Variants in DRC8 observed in about 807,000 individuals in gnomAD.
DRC8 encodes the protein dynein regulatory complex subunit 8.
At chr1:245,074,106 T>C in the DRC8 span, among the ~76,000 whole-genome samples, 741 of 152,330 alleles carry the variant, frequency 4.9e-3, 7 homozygotes, top group African/African-American at 0.017. Context: ...TTTATATATT[T>C]AACTTGACCA....
chr1:244,989,167 G>A, the DRC8 span, among the ~76,000 whole-genome samples: 2 of 152,116 alleles, frequency 1.3e-5, no homozygotes, highest in African/African-American at 2.4e-5. Flanking sequence ...GGGCACAAGC[G>A]ATTCTCCCAC....
the DRC8 span, among the ~76,000 whole-genome samples, chr1:245,016,585 T>C: frequency 1.3e-5 from 2 of 152,312 alleles, no homozygotes; most frequent in African/African-American, 4.8e-5. Flanking sequence ...CGAGCTTATA[T>C]TTCTTTCCCA....
chr1:245,016,660 A>G, the DRC8 span, among the ~76,000 whole-genome samples: 1 of 152,196 alleles, frequency 6.6e-6, no homozygotes, highest in African/African-American at 2.4e-5. Flanking sequence ...ACCTTAGCAC[A>G]TTGTAAGTAC....
the DRC8 span, among the ~76,000 whole-genome samples, chr1:245,071,519 C>G: frequency 3.3e-5 from 5 of 152,244 alleles, no homozygotes; most frequent in Admixed American, 1.3e-4. Context: ...TTATGGAAGG[C>G]AGAACTTAGA....
At chr1:245,018,855 C>T in the DRC8 span, among the ~76,000 whole-genome samples, 1 of 152,134 alleles carries the variant, frequency 6.6e-6, no homozygotes. Flanking sequence ...CTCCGGTTTC[C>T]AGAGACAAGG....
the DRC8 span, among the ~76,000 whole-genome samples, chr1:245,074,780 G>A: frequency 6.6e-6 from 1 of 152,124 alleles, no homozygotes; most frequent in African/African-American, 2.4e-5. Context: ...TTTGGTAGAT[G>A]CCAATTAATT....
At chr1:245,063,263 C>G in the DRC8 span, among the ~76,000 whole-genome samples, 5 of 152,204 alleles carry the variant, frequency 3.3e-5, no homozygotes, top group African/African-American at 1.2e-4. Flanking sequence ...GCAAGGGTGC[C>G]CCATCTCCTA....
the DRC8 span, among the ~76,000 whole-genome samples, chr1:245,028,537 G>A: frequency 2.0e-5 from 3 of 151,930 alleles, no homozygotes; most frequent in Non-Finnish European, 2.9e-5. Context: ...TTATAGTTAC[G>A]TTCTGAGAGT....
chr1:245,112,501 A>G, the DRC8 span, among the ~76,000 whole-genome samples: 1 of 151,610 alleles, frequency 6.6e-6, no homozygotes, highest in Non-Finnish European at 1.5e-5. Flanking sequence ...TTTACTATAT[A>G]TGTGTGTTCA....
chr1:245,016,426 C>T, the DRC8 span, among the ~76,000 whole-genome samples: 1 of 152,306 alleles, frequency 6.6e-6, no homozygotes, highest in South Asian at 2.1e-4. Context: ...GCCCAAGGGT[C>T]GCCTTACCAC....
the DRC8 span, among the ~76,000 whole-genome samples, chr1:244,989,674 A>G: frequency 6.6e-6 from 1 of 152,098 alleles, no homozygotes; most frequent in African/African-American, 2.4e-5. Flanking sequence ...TAGTCTTTGG[A>G]AGGAAGTCAT....
the DRC8 span, chr1:244,970,500 G>C: frequency 4.0e-6 from 6 of 1,512,510 alleles, no homozygotes; most frequent in Non-Finnish European, 5.3e-6. Context: ...ACCCCGGGCT[G>C]CACGGGGAAG....
chr1:245,015,278 A>G, the DRC8 span, among the ~76,000 whole-genome samples: 7 of 152,180 alleles, frequency 4.6e-5, no homozygotes, highest in Non-Finnish European at 1.0e-4. Flanking sequence ...GCTTAGCACA[A>G]TTTAGAGACT....
the DRC8 span, among the ~76,000 whole-genome samples, chr1:245,084,376 T>G: frequency 6.6e-6 from 1 of 152,142 alleles, no homozygotes; most frequent in Non-Finnish European, 1.5e-5. Context: ...TAAAGAGCTT[T>G]TCTGTCAGTG....
chr1:245,102,176 C>A, the DRC8 span, among the ~76,000 whole-genome samples: 2 of 152,156 alleles, frequency 1.3e-5, no homozygotes, highest in Non-Finnish European at 2.9e-5. Context: ...AGCCTAATAT[C>A]TCCTGATTCT....
chr1:244,995,305 G>C, the DRC8 span, among the ~76,000 whole-genome samples: 17 of 151,816 alleles, frequency 1.1e-4, no homozygotes, highest in African/African-American at 4.1e-4. Context: ...AGGTTGCAGT[G>C]AGCCGAGATT....
At chr1:245,059,565 C>T in the DRC8 span, 1 of 821,216 alleles carries the variant, frequency 1.2e-6, no homozygotes. Flanking sequence ...CCCCAAACTA[C>T]TGAATGTGCT....
chr1:245,111,562 T>C, the DRC8 span, among the ~76,000 whole-genome samples: 1 of 152,232 alleles, frequency 6.6e-6, no homozygotes, highest in Admixed American at 6.5e-5. Context: ...CTTGAACGTA[T>C]TCGCAGTGCC....
chr1:245,111,152 A>C, the DRC8 span, among the ~76,000 whole-genome samples: 1 of 152,162 alleles, frequency 6.6e-6, no homozygotes, highest in Non-Finnish European at 1.5e-5. Flanking sequence ...CTTTTTGGCA[A>C]TAGGGGATAA....
Sources: allele counts gnomAD v4.1 joint callset (sites outside exome capture counted in the v4.1 genomes callset), GRCh38; gene constraint gnomAD v4.1.1; transcripts MANE v1.5; gene names NCBI Gene and HGNC (gene_info 2026-07-23, HGNC 2026-07-21).